The following LPP variants were observed in gnomAD, a reference collection of about 807,000 sequenced individuals.
LPP encodes lipoma-preferred partner.
A neutral mutation model predicts 60.4 loss-of-function variants in LPP; 38 were observed. That is an observed-to-expected ratio of 0.63 (90% CI 0.49 to 0.83). The LOEUF (loss-of-function observed/expected upper bound fraction) is 0.83, where lower values mean the gene tolerates loss of function less well. LPP is among the 40% of genes least tolerant of loss of function. LPP has a pLI of 0.00. For missense variants in LPP, 902 were observed against 783.6 expected (o/e 1.15, Z -1.80); for synonymous variants, 328 against 290.8 (o/e 1.13, Z -1.30).
In LPP at chr3:188,657,197, C is replaced by T. The variant is rs566583198; in HGVS notation, c.1113+47353C>T. On this transcript the variant is annotated intron_variant, in intron 7 of 11. Coordinates refer to ENST00000617246, the MANE Select transcript of LPP (RefSeq NM_001375462.1). ...CAATTATTTTTTTCCTCTTTCCCCT[C>T]GAGCATGCACATTCTTTGTAATACT... is the stretch of plus-strand genomic sequence containing the variant. Among the ~76,000 whole-genome samples the T allele has an allele frequency of 6.3e-5, 9 of 142,060 alleles. No homozygotes were observed. The South Asian group carries it at 1.4e-3, about 22-fold the overall frequency. 93.2% of individuals were successfully genotyped at this position (142,060 alleles called of 152,430 possible). A position where few individuals can be genotyped will look rare whatever the true frequency, so the allele number is the denominator to read the frequency against.
At chr3:188,229,139 GTATTAT>G (rs1180621806) in intron 2 of LPP, among the ~76,000 whole-genome samples, 3 of 152,112 alleles carry the variant, frequency 2.0e-5, no homozygotes, top group African/African-American at 4.8e-5. Context: ...ATAGAATTAT[GTATTAT>G]TATTTTTCAC....
chr3:188,337,311 G>C (rs1316546664), intron 2 of LPP, among the ~76,000 whole-genome samples: 2 of 152,222 alleles, frequency 1.3e-5, no homozygotes, highest in Non-Finnish European at 2.9e-5. Context: ...GGTCACACTG[G>C]TTGCTCTTTT....
intron 8 of LPP, among the ~76,000 whole-genome samples, chr3:188,749,498 G>A (rs1568668): frequency 0.2 from 30,668 of 152,176 alleles, 3,785 homozygotes; most frequent in Middle Eastern, 0.42. Context: ...ACAGAATCCC[G>A]AGTAAGATGA....
At chr3:188,621,394 C>G (rs950534440) in intron 7 of LPP, among the ~76,000 whole-genome samples, 5 of 152,094 alleles carry the variant, frequency 3.3e-5, no homozygotes, top group African/African-American at 1.2e-4. Context: ...GTGTTTAGCT[C>G]CCACTCATAA....
intron 6 of LPP, among the ~76,000 whole-genome samples, chr3:188,549,261 T>C (rs1467949582): frequency 6.6e-6 from 1 of 152,122 alleles, no homozygotes; most frequent in Non-Finnish European, 1.5e-5. Flanking sequence ...GCCTGGAAAA[T>C]ATTAAGTTAG....
intron 8 of LPP, among the ~76,000 whole-genome samples, chr3:188,747,765 C>T (rs560786316): frequency 1.8e-4 from 27 of 152,204 alleles, no homozygotes; most frequent in African/African-American, 4.6e-4. Context: ...GTCACTTCAG[C>T]GCTCAGACAG....
At chr3:188,742,547 C>A (rs974269456) in intron 8 of LPP, among the ~76,000 whole-genome samples, 1 of 152,018 alleles carries the variant, frequency 6.6e-6, no homozygotes, top group Non-Finnish European at 1.5e-5. Flanking sequence ...GCTACCTCCA[C>A]CCCTAAAAAA....
intron 4 of LPP, among the ~76,000 whole-genome samples, chr3:188,421,773 C>T (rs1488371742): frequency 6.6e-6 from 1 of 152,132 alleles, no homozygotes; most frequent in Non-Finnish European, 1.5e-5. Flanking sequence ...ACAAAAGATT[C>T]AACCACATCG....
intron 7 of LPP, among the ~76,000 whole-genome samples, chr3:188,622,080 A>C (rs1845908287): frequency 6.6e-6 from 1 of 152,204 alleles, no homozygotes; most frequent in Non-Finnish European, 1.5e-5. Flanking sequence ...TGGGTTAACA[A>C]GAGCATTCTT....
chr3:188,563,652 G>A (rs1006104536), intron 6 of LPP, among the ~76,000 whole-genome samples: 18 of 150,584 alleles, frequency 1.2e-4, no homozygotes, highest in African/African-American at 4.4e-4. Flanking sequence ...TACAAACAAT[G>A]TTAAGATGAG....
Position 188,874,491 on chromosome 3 carries a change from T to C in LPP, c.*12T>C, listed in dbSNP as rs745777850. 2 of 1,612,718 alleles carry C rather than the reference T, an allele frequency of 1.2e-6. No homozygotes were observed. The highest frequency in any genetic ancestry group is 1.7e-4 in the Middle Eastern group (1 of 6,058). On this transcript the variant is annotated 3_prime_UTR_variant, in exon 12 of 12. Coordinates refer to ENST00000617246, the MANE Select transcript of LPP (RefSeq NM_001375462.1). ...GCACTGACCTTTAGATTCAGTCACC[T>C]GTTCAGCCGGCACTGAGAAGAACGA...
At chr3:188,303,825 T>C (rs548940806) in intron 2 of LPP, among the ~76,000 whole-genome samples, 1 of 152,304 alleles carries the variant, frequency 6.6e-6, no homozygotes, top group Admixed American at 6.5e-5. Context: ...CCAATGATAA[T>C]TTACAAAATA....
At chr3:188,242,117 T>A (rs1725143210) in intron 2 of LPP, among the ~76,000 whole-genome samples, 2 of 152,160 alleles carry the variant, frequency 1.3e-5, no homozygotes, top group East Asian at 1.9e-4. Context: ...CTCAGTTGGG[T>A]AATGTTTAAG....
At chr3:188,255,872 G>A (rs1560165671) in intron 2 of LPP, among the ~76,000 whole-genome samples, 1 of 152,110 alleles carries the variant, frequency 6.6e-6, no homozygotes, top group Non-Finnish European at 1.5e-5. Flanking sequence ...CATTAACATT[G>A]TAGGCAACTC....
chr3:188,503,129 T>C (rs1308285807), intron 5 of LPP, among the ~76,000 whole-genome samples: 2 of 152,116 alleles, frequency 1.3e-5, no homozygotes, highest in Non-Finnish European at 2.9e-5. Flanking sequence ...TGATTTCTTT[T>C]GTGTATATTC....
intron 4 of LPP, among the ~76,000 whole-genome samples, chr3:188,468,796 C>T (rs1026399984): frequency 2.0e-5 from 3 of 152,126 alleles, no homozygotes; most frequent in Non-Finnish European, 4.4e-5. Flanking sequence ...GGAACTACTG[C>T]TGGAGGAATA....
intron 2 of LPP, among the ~76,000 whole-genome samples, chr3:188,259,936 A>T (rs1314877511): frequency 6.6e-6 from 1 of 151,618 alleles, no homozygotes; most frequent in African/African-American, 2.4e-5. Context: ...TTTTTTTTTT[A>T]ATATAAAGGC....
chr3:188,292,338 A>T (rs1443809470), intron 2 of LPP, among the ~76,000 whole-genome samples: 1 of 152,242 alleles, frequency 6.6e-6, no homozygotes, highest in Admixed American at 6.5e-5. Flanking sequence ...AAGCATATCA[A>T]TTATTTTTGG....
At chr3:188,478,187 T>C (rs1454866056) in intron 4 of LPP, among the ~76,000 whole-genome samples, 2 of 152,184 alleles carry the variant, frequency 1.3e-5, no homozygotes, top group Non-Finnish European at 2.9e-5. Flanking sequence ...CTCTGAGTGA[T>C]CAAGTTTAGA....
Sources: gnomAD v4.1 joint callset for allele counts (sites outside exome capture counted in the v4.1 genomes callset) on GRCh38, gnomAD v4.1.1 for gene constraint, MANE v1.5 for transcripts, NCBI Gene and HGNC (gene_info 2026-07-23, HGNC 2026-07-21) for gene names.